The following ANKS1B variants were observed in gnomAD, a reference collection of about 807,000 sequenced individuals.
The protein encoded by ANKS1B is ankyrin repeat and sterile alpha motif domain containing 1B, also known as ankyrin repeat and sterile alpha motif domain-containing protein 1B.
Under a neutral mutation model 148.3 loss-of-function variants are expected in ANKS1B, and 36 were observed. That is an observed-to-expected ratio of 0.24 (90% CI 0.19 to 0.32). The LOEUF (loss-of-function observed/expected upper bound fraction) is 0.32. ANKS1B is among the 10% of genes least tolerant of loss of function. ANKS1B has a pLI of 1.00. For synonymous variants in ANKS1B, 542 were observed against 560.8 expected, an observed-to-expected ratio of 0.97 and a Z score of 0.47; for missense variants, 1,157 against 1,542.6, an observed-to-expected ratio of 0.75 and a Z score of 4.19.
At chr12:99,520,876 A>T in intron 9 of ANKS1B, among the ~76,000 whole-genome samples, 1 of 152,116 alleles carries the variant, frequency 6.6e-6, no homozygotes, top group East Asian at 1.9e-4. Flanking sequence ...AGCTCACTGC[A>T]ACCTTCACTT....
chr12:99,168,483 C>T (rs1045917996), intron 14 of ANKS1B, among the ~76,000 whole-genome samples: 22 of 149,168 alleles, frequency 1.5e-4, no homozygotes, highest in African/African-American at 5.5e-4. Flanking sequence ...AGTGCCATTG[C>T]ACTCCAGCCT....
intron 9 of ANKS1B, among the ~76,000 whole-genome samples, chr12:99,645,592 T>G (rs868057155): frequency 6.6e-6 from 1 of 152,156 alleles, no homozygotes; most frequent in Non-Finnish European, 1.5e-5. Flanking sequence ...ATAAATTTAT[T>G]TTAATATATC....
At chr12:99,415,986 T>C (rs2094893762) in intron 11 of ANKS1B, among the ~76,000 whole-genome samples, 1 of 152,084 alleles carries the variant, frequency 6.6e-6, no homozygotes, top group African/African-American at 2.4e-5. Context: ...CCAGGCCCCA[T>C]TGCCCTTTTA....
intron 14 of ANKS1B, among the ~76,000 whole-genome samples, chr12:99,219,264 C>A (rs180856207): frequency 2.0e-5 from 3 of 152,234 alleles, no homozygotes; most frequent in Admixed American, 2.0e-4. Flanking sequence ...AGGTCTCTGG[C>A]CCTTTGACAT....
At chr12:99,441,393 C>T (rs947649834) in intron 11 of ANKS1B, among the ~76,000 whole-genome samples, 1 of 151,770 alleles carries the variant, frequency 6.6e-6, no homozygotes, top group Non-Finnish European at 1.5e-5. Context: ...TCATGTCCTA[C>T]CTGAATACTC....
intron 14 of ANKS1B, among the ~76,000 whole-genome samples, chr12:99,156,983 G>GT (rs1213480405): frequency 6.6e-6 from 1 of 152,120 alleles, no homozygotes; most frequent in African/African-American, 2.4e-5. Context: ...AAGATAACTT[G>GT]TTTTTTAAAC....
chr12:99,828,146 T>C lies in ANKS1B; in HGVS notation c.135-2757A>G, dbSNP rs146571225. 5.4e-3 allele frequency among the ~76,000 whole-genome samples: 823 copies of C among 152,314 alleles called. 2 individuals carry two copies. The highest frequency in any genetic ancestry group is 0.015 in the South Asian group (71 of 4,824). On this transcript the variant is annotated intron_variant, in intron 1 of 26. Coordinates refer to ENST00000683438, the MANE Select transcript of ANKS1B (RefSeq NM_001352186.2). Reference sequence around the variant, plus strand: ...AAGGAATTAAATACTACGACATTGGTTGAAAATCTAAATCAATTAGATTTT... The same window carrying C: ...AAGGAATTAAATACTACGACATTGGCTGAAAATCTAAATCAATTAGATTTT...
intron 10 of ANKS1B, among the ~76,000 whole-genome samples, chr12:99,453,020 G>A (rs1567128898): frequency 1.3e-5 from 2 of 152,224 alleles, no homozygotes; most frequent in Non-Finnish European, 2.9e-5. Flanking sequence ...GCCGGGCACA[G>A]TGGCTCACGC....
At chr12:99,251,806 T>C (rs955433380) in intron 12 of ANKS1B, among the ~76,000 whole-genome samples, 2 of 152,124 alleles carry the variant, frequency 1.3e-5, no homozygotes, top group East Asian at 3.9e-4. Context: ...ATTTAGAAAA[T>C]AAAAATTTTT....
chr12:99,828,075 T>C (rs964425365), intron 1 of ANKS1B, among the ~76,000 whole-genome samples: 1 of 152,204 alleles, frequency 6.6e-6, no homozygotes, highest in African/African-American at 2.4e-5. Context: ...TAAATTGTGA[T>C]ATATCCATAC....
At chr12:99,041,215 T>C (rs77365437) in intron 17 of ANKS1B, among the ~76,000 whole-genome samples, 1,710 of 152,274 alleles carry the variant, frequency 0.011, 46 homozygotes, top group East Asian at 0.093. Context: ...ACTACTATTA[T>C]TCCCTGTGCT....
intron 9 of ANKS1B, among the ~76,000 whole-genome samples, chr12:99,527,132 GAC>G (rs1200513174): frequency 6.6e-6 from 1 of 152,102 alleles, no homozygotes; most frequent in Admixed American, 6.5e-5. Context: ...AGAACTGTGA[GAC>G]AATAAATTTC....
At chr12:99,384,887 C>T (rs1001752760) in intron 12 of ANKS1B, among the ~76,000 whole-genome samples, 2 of 151,994 alleles carry the variant, frequency 1.3e-5, no homozygotes, top group Non-Finnish European at 2.9e-5. Flanking sequence ...ATATTATTTC[C>T]AGTATCTTGC....
intron 9 of ANKS1B, among the ~76,000 whole-genome samples, chr12:99,528,442 A>AC (rs1359732596): frequency 6.6e-6 from 1 of 150,486 alleles, no homozygotes; most frequent in Non-Finnish European, 1.5e-5. Context: ...CAAAAAAAAA[A>AC]ACAAAAAAAA....
chr12:99,214,247 AC>A (rs1199065391), intron 14 of ANKS1B, among the ~76,000 whole-genome samples: 13 of 152,342 alleles, frequency 8.5e-5, no homozygotes, highest in African/African-American at 2.9e-4. Context: ...GTTTAAGCGT[AC>A]ATGGGAAATA....
intron 25 of ANKS1B, among the ~76,000 whole-genome samples, chr12:98,766,297 TAGA>T (rs150882692): frequency 0.013 from 2,032 of 152,280 alleles, 49 homozygotes; most frequent in African/African-American, 0.046. Flanking sequence ...GGTGTTAGTG[TAGA>T]AGGACCATTG....
chr12:99,538,353 C>T (rs1596567250), intron 9 of ANKS1B, among the ~76,000 whole-genome samples: 1 of 152,054 alleles, frequency 6.6e-6, no homozygotes, highest in East Asian at 1.9e-4. Flanking sequence ...TTGGGTAGTA[C>T]AAACATTTTA....
intron 12 of ANKS1B, among the ~76,000 whole-genome samples, chr12:99,291,376 G>T (rs1429790186): frequency 1.3e-5 from 2 of 151,916 alleles, no homozygotes; most frequent in African/African-American, 4.8e-5. Flanking sequence ...ATTCTTTGCA[G>T]AAATAGAAAA....
intron 1 of ANKS1B, among the ~76,000 whole-genome samples, chr12:99,951,065 A>T (rs1603484252): frequency 6.6e-6 from 1 of 152,234 alleles, no homozygotes; most frequent in Non-Finnish European, 1.5e-5. Flanking sequence ...AAAGCATTGC[A>T]CCACTGTCCT....
Sources: allele counts gnomAD v4.1 joint callset (sites outside exome capture counted in the v4.1 genomes callset), GRCh38; gene constraint gnomAD v4.1.1; transcripts MANE v1.5; gene names NCBI Gene and HGNC (gene_info 2026-07-23, HGNC 2026-07-21).